Variants in FGD4 observed in about 807,000 individuals in gnomAD.
The protein encoded by FGD4 is FYVE, RhoGEF and PH domain containing 4.
Under a neutral mutation model 102.0 loss-of-function variants are expected in FGD4, and 42 were observed. That is an observed-to-expected ratio of 0.41 (90% CI 0.32 to 0.53). The LOEUF (loss-of-function observed/expected upper bound fraction) is 0.53, where lower values mean the gene tolerates loss of function less well. Among genes scored for constraint, FGD4 ranks in the 20% least tolerant of loss-of-function variants. The pLI is 0.21. For synonymous variants in FGD4, 380 were observed against 375.7 expected, an observed-to-expected ratio of 1.01 and a Z score of -0.13; for missense variants, 902 against 1,078.2, an observed-to-expected ratio of 0.84 and a Z score of 2.29.
At chr12:32,440,597 T>C (rs1479721352) in intron 1 of FGD4, among the ~76,000 whole-genome samples, 1 of 152,106 alleles carries the variant, frequency 6.6e-6, no homozygotes, top group African/African-American at 2.4e-5. Context: ...CCACTACCAC[T>C]ATGACTACAC....
intron 6 of FGD4, among the ~76,000 whole-genome samples, chr12:32,601,718 A>G (rs1444706935): frequency 1.3e-5 from 2 of 152,192 alleles, no homozygotes; most frequent in Admixed American, 6.5e-5. Flanking sequence ...ATTGTTTTCT[A>G]TCAGCCTCAC....
intron 1 of FGD4, among the ~76,000 whole-genome samples, chr12:32,529,260 G>A (rs557293647): frequency 1.1e-3 from 169 of 152,010 alleles, no homozygotes; most frequent in Middle Eastern, 3.4e-3. Context: ...TACTACAGGC[G>A]TGCACCACCA....
intron 15 of FGD4, among the ~76,000 whole-genome samples, chr12:32,635,752 T>G (rs1252281788): frequency 6.6e-6 from 1 of 152,154 alleles, no homozygotes; most frequent in Non-Finnish European, 1.5e-5. Flanking sequence ...CAGTGGCTCA[T>G]GCCTGTAATC....
intron 7 of FGD4, among the ~76,000 whole-genome samples, chr12:32,603,473 C>T (rs1240719032): frequency 2.0e-5 from 3 of 151,550 alleles, no homozygotes; most frequent in Non-Finnish European, 4.4e-5. Context: ...CTGCAAGCTC[C>T]GCCTCCTGGG....
intron 1 of FGD4, among the ~76,000 whole-genome samples, chr12:32,469,957 C>T (rs1295597267): frequency 6.6e-6 from 1 of 152,112 alleles, no homozygotes; most frequent in African/African-American, 2.4e-5. Flanking sequence ...CTGTGCCTGG[C>T]CTAACCAATT....
At chr12:32,604,453 T>C (rs184923116) in intron 7 of FGD4, among the ~76,000 whole-genome samples, 2 of 152,316 alleles carry the variant, frequency 1.3e-5, no homozygotes, top group East Asian at 3.9e-4. Flanking sequence ...GTTCTATTAT[T>C]CAGATTGTAT....
Position 32,587,598 on chromosome 12 carries a change from C to G in FGD4, c.1011+5131C>G, listed in dbSNP as rs373135883. ...TAGAGATAGGTTTTCACCATGTTGC[C>G]CAGGCTGGTCTTGAACTCCTGAGCT... On this transcript the variant is annotated intron_variant, in intron 4 of 16. Coordinates refer to ENST00000534526, the MANE Select transcript of FGD4 (RefSeq NM_001370298.3). Among the ~76,000 whole-genome samples the G allele has an allele frequency of 2.0e-5, 3 of 151,928 alleles. No homozygotes were observed. The East Asian group carries it at 5.8e-4, about 29-fold the overall frequency.
At chr12:32,547,391 G>C (rs1169268021) in intron 1 of FGD4, among the ~76,000 whole-genome samples, 3 of 152,080 alleles carry the variant, frequency 2.0e-5, no homozygotes, top group African/African-American at 7.2e-5. Context: ...AGTGAGATAT[G>C]GTCATGCCAC....
chr12:32,442,561 CTTTTTTTTT>C (rs35994170), intron 1 of FGD4, among the ~76,000 whole-genome samples: 25 of 107,126 alleles, frequency 2.3e-4, no homozygotes, highest in Admixed American at 2.1e-3. Context: ...ATCTTTCATC[CTTTTTTTTT>C]TTTTTTTTTT....
chr12:32,600,474 C>G, intron 5 of FGD4: 1 of 1,281,968 alleles, frequency 7.8e-7, no homozygotes, highest in Non-Finnish European at 1.0e-6. Context: ...GAATAGACCT[C>G]CTTCTGCCTA....
intron 4 of FGD4, among the ~76,000 whole-genome samples, chr12:32,587,539 C>T (rs978978763): frequency 6.6e-6 from 1 of 151,938 alleles, no homozygotes; most frequent in Non-Finnish European, 1.5e-5. Context: ...TACAGGCATG[C>T]ACCATCACGC....
intron 1 of FGD4, among the ~76,000 whole-genome samples, chr12:32,528,396 C>CT (rs549958676): frequency 4.7e-4 from 70 of 149,880 alleles, no homozygotes; most frequent in Admixed American, 2.8e-3. Context: ...CTCCCTTACA[C>CT]TTTTTTTTTT....
intron 1 of FGD4, among the ~76,000 whole-genome samples, chr12:32,415,699 C>T (rs942100442): frequency 2.6e-5 from 4 of 152,142 alleles, no homozygotes; most frequent in Non-Finnish European, 4.4e-5. Flanking sequence ...AGCCACCAGG[C>T]GTGAGCCACC....
intron 10 of FGD4, among the ~76,000 whole-genome samples, chr12:32,616,830 G>A (rs1949480326): frequency 6.6e-6 from 1 of 152,102 alleles, no homozygotes; most frequent in South Asian, 2.1e-4. Context: ...ATTTCATGTT[G>A]CTATCACAGA....
chr12:32,408,502 C>G (rs79727589), intron 1 of FGD4, among the ~76,000 whole-genome samples: 9,518 of 152,164 alleles, frequency 0.063, 423 homozygotes, highest in Middle Eastern at 0.15. Context: ...GGGGTTTCGC[C>G]TTGTTGGCCA....
chr12:32,474,112 G>A (rs7314407), intron 1 of FGD4, among the ~76,000 whole-genome samples: 50,650 of 151,560 alleles, frequency 0.33, 9,085 homozygotes, highest in East Asian at 0.46. Flanking sequence ...AAAAGTATTC[G>A]GGGCTGTGGA....
chr12:32,465,759 AGTGT>A (rs373471082), intron 1 of FGD4, among the ~76,000 whole-genome samples: 1 of 151,294 alleles, frequency 6.6e-6, no homozygotes, highest in South Asian at 2.1e-4. Context: ...TTAGCAACAA[AGTGT>A]GTGTGTGTGT....
chr12:32,491,696 C>T (rs144116629), intron 1 of FGD4, among the ~76,000 whole-genome samples: 38 of 152,230 alleles, frequency 2.5e-4, no homozygotes, highest in African/African-American at 9.1e-4. Flanking sequence ...CATTATAGCC[C>T]ATCATGAACA....
intron 1 of FGD4, among the ~76,000 whole-genome samples, chr12:32,449,746 C>A (rs1731426070): frequency 6.6e-6 from 1 of 151,848 alleles, no homozygotes; most frequent in Admixed American, 6.6e-5. Context: ...CATTTCTTTT[C>A]TTTTCTTTTG....
Sources: gnomAD v4.1 joint callset for allele counts (sites outside exome capture counted in the v4.1 genomes callset) on GRCh38, gnomAD v4.1.1 for gene constraint, MANE v1.5 for transcripts, NCBI Gene and HGNC (gene_info 2026-07-23, HGNC 2026-07-21) for gene names.